NR6A1: variants seen among roughly 807,000 people sequenced by gnomAD.
The protein encoded by NR6A1 is nuclear receptor subfamily 6 group A member 1, also known as retinoic acid receptor-related testis-associated receptor.
Under a neutral mutation model 59.1 loss-of-function variants are expected in NR6A1, and 7 were observed. The ratio of observed to expected loss-of-function variants is 0.12; its 90% confidence interval spans 0.07 to 0.22. The LOEUF (loss-of-function observed/expected upper bound fraction) is 0.22. Ranked by LOEUF, NR6A1 falls within the 10% of genes least tolerant of loss-of-function variation. The pLI, the probability that NR6A1 is intolerant of heterozygous loss-of-function variation, is 1.00. For synonymous variants in NR6A1, 243 were observed against 236.1 expected (o/e 1.03, Z -0.27); for missense variants, 468 against 611.6 (o/e 0.77, Z 2.48).
chr9:124,672,179 C>G (rs188356103), intron 2 of NR6A1, among the ~76,000 whole-genome samples: 6 of 152,290 alleles, frequency 3.9e-5, no homozygotes, highest in Non-Finnish European at 7.4e-5. Flanking sequence ...TATGTATTCT[C>G]CCACACTTAT....
chr9:124,749,645 T>G (rs4838206), intron 1 of NR6A1, among the ~76,000 whole-genome samples: 72,796 of 151,898 alleles, frequency 0.48, 17,662 homozygotes, highest in Admixed American at 0.59. Flanking sequence ...CACTCCAGCC[T>G]CGAACTTCTG....
rs1832771068 is a variant in NR6A1 at position 124,520,198 on chromosome 9, A to G, written c.*2507T>C. ...AGCTACACTCCTACCTTCTCCTCAT[A>G]ATACCTGAGTTTGCAATGCAACACA... On this transcript the variant is annotated 3_prime_UTR_variant, in exon 10 of 10. Transcript: ENST00000487099. The G allele has an allele frequency of 6.6e-6, 1 of 152,076 alleles. No individual in the cohort carries two copies. 9.4% of individuals were successfully genotyped at this position (152,076 alleles called of 1,614,324 possible).
At chr9:124,571,176 G>C (rs1417655901) in intron 2 of NR6A1, among the ~76,000 whole-genome samples, 1 of 152,198 alleles carries the variant, frequency 6.6e-6, no homozygotes, top group Non-Finnish European at 1.5e-5. Context: ...GTAGAAGTAT[G>C]TCAAAAAGAA....
intron 1 of NR6A1, among the ~76,000 whole-genome samples, chr9:124,758,378 C>T (rs1840695160): frequency 6.6e-6 from 1 of 152,136 alleles, no homozygotes; most frequent in South Asian, 2.1e-4. Context: ...AATCAACGTT[C>T]TCAAATGAAG....
intron 2 of NR6A1, among the ~76,000 whole-genome samples, chr9:124,644,527 C>T (rs531187957): frequency 6.6e-6 from 1 of 152,284 alleles, no homozygotes; most frequent in East Asian, 1.9e-4. Context: ...GCTGGAATTA[C>T]AGGTGTGAGC....
At chr9:124,764,102 T>G (rs1840857454) in intron 1 of NR6A1, among the ~76,000 whole-genome samples, 1 of 151,562 alleles carries the variant, frequency 6.6e-6, no homozygotes, top group South Asian at 2.1e-4. Context: ...GAGAATCGCT[T>G]GAACCCAGGA....
At chr9:124,655,547 G>A (rs1223292065) in intron 2 of NR6A1, among the ~76,000 whole-genome samples, 2 of 152,150 alleles carry the variant, frequency 1.3e-5, no homozygotes, top group South Asian at 2.1e-4. Flanking sequence ...AGAGGCACAA[G>A]GCACAACTCA....
chr9:124,738,934 G>A (rs10116018), intron 1 of NR6A1, among the ~76,000 whole-genome samples: 2,633 of 151,522 alleles, frequency 0.017, 81 homozygotes, highest in African/African-American at 0.06. Context: ...CCCGGGAGGC[G>A]GAGGTTGCAG....
At chr9:124,732,697 ATTTT>A (rs879596333) in intron 2 of NR6A1, among the ~76,000 whole-genome samples, 1 of 144,056 alleles carries the variant, frequency 6.9e-6, no homozygotes, top group African/African-American at 2.5e-5. Context: ...GCAAGTACGA[ATTTT>A]TTTTTTTTTT....
chr9:124,520,661 T>C lies in NR6A1; in HGVS notation c.*2044A>G, dbSNP rs1832781471. The C allele has an allele frequency of 6.6e-6, 1 of 152,252 alleles. No individual in the cohort carries two copies. Among genetic ancestry groups the C allele is most frequent in the African/African-American group, 2.4e-5 (1 of 41,470 alleles). 9.4% of individuals were successfully genotyped at this position (152,252 alleles called of 1,614,324 possible). A position where few individuals can be genotyped will look rare whatever the true frequency, so the allele number is the denominator to read the frequency against. ...TCTTAGAGAAGGCATCTGTGATATG[T>C]GTCTCCTTCCCGATCTGGAGGAAAG... On this transcript the variant is annotated 3_prime_UTR_variant, in exon 10 of 10. Coordinates refer to ENST00000487099, the MANE Select transcript of NR6A1 (RefSeq NM_033334.4).
chr9:124,700,328 G>T (rs1838900883), intron 2 of NR6A1, among the ~76,000 whole-genome samples: 1 of 151,810 alleles, frequency 6.6e-6, no homozygotes, highest in African/African-American at 2.4e-5. Context: ...TAGAGTAGCT[G>T]GGACTACAGG....
intron 2 of NR6A1, among the ~76,000 whole-genome samples, chr9:124,645,135 T>C (rs142018989): frequency 6.6e-5 from 10 of 152,220 alleles, no homozygotes; most frequent in African/African-American, 1.9e-4. Context: ...AAAAGTACAA[T>C]TGTTATACTA....
chr9:124,751,339 T>C (rs1480593967), intron 1 of NR6A1, among the ~76,000 whole-genome samples: 3 of 152,230 alleles, frequency 2.0e-5, no homozygotes, highest in Admixed American at 1.3e-4. Context: ...ACATATCCTC[T>C]AAGAACGAGA....
chr9:124,754,951 C>CAACTGTCAAA, intron 1 of NR6A1, among the ~76,000 whole-genome samples: 1 of 152,210 alleles, frequency 6.6e-6, no homozygotes, highest in East Asian at 1.9e-4. Flanking sequence ...CCCTTCCACT[C>CAACTGTCAAA]AACTGTCAAA....
chr9:124,545,340 C>T (rs868104821), intron 3 of NR6A1, among the ~76,000 whole-genome samples: 6 of 152,204 alleles, frequency 3.9e-5, no homozygotes, highest in Admixed American at 6.5e-5. Flanking sequence ...CTCTCCCTAG[C>T]CTCTTTGAGT....
At chr9:124,585,773 C>T (rs1834913622) in intron 2 of NR6A1, among the ~76,000 whole-genome samples, 1 of 152,070 alleles carries the variant, frequency 6.6e-6, no homozygotes, top group African/African-American at 2.4e-5. Flanking sequence ...TTGCTAGAAG[C>T]TAATGCAGCT....
chr9:124,715,973 C>G (rs1389105319), intron 2 of NR6A1, among the ~76,000 whole-genome samples: 1 of 152,146 alleles, frequency 6.6e-6, no homozygotes, highest in South Asian at 2.1e-4. Flanking sequence ...GAGGCCGAGG[C>G]AGGAGGATTA....
At chr9:124,616,794 A>G (rs755281168) in intron 2 of NR6A1, among the ~76,000 whole-genome samples, 12 of 152,202 alleles carry the variant, frequency 7.9e-5, no homozygotes, top group Middle Eastern at 3.2e-3. Context: ...CAACCATTAT[A>G]AACCATTTCT....
At chr9:124,650,342 A>G (rs1837060810) in intron 2 of NR6A1, among the ~76,000 whole-genome samples, 1 of 152,204 alleles carries the variant, frequency 6.6e-6, no homozygotes, top group Non-Finnish European at 1.5e-5. Context: ...CGAAAGACAA[A>G]TATCACATGT....
Sources: gnomAD v4.1 joint callset for allele counts (sites outside exome capture counted in the v4.1 genomes callset) on GRCh38, gnomAD v4.1.1 for gene constraint, MANE v1.5 for transcripts, NCBI Gene and HGNC (gene_info 2026-07-23, HGNC 2026-07-21) for gene names.